The following ZBTB20 variants were observed in gnomAD, a reference collection of about 807,000 sequenced individuals.
ZBTB20 encodes the protein zinc finger and BTB domain-containing protein 20.
ZBTB20 carries 9 observed loss-of-function variants against 56.9 expected under a neutral mutation model. The observed-to-expected ratio is 0.16, with a 90% CI of 0.10 to 0.28. The LOEUF is 0.28. Among genes scored for constraint, ZBTB20 ranks in the 10% least tolerant of loss-of-function variants. ZBTB20 has a pLI of 1.00. For missense variants in ZBTB20, 655 were observed against 1,003.0 expected (o/e 0.65, Z 4.69); for synonymous variants, 417 against 420.7 (o/e 0.99, Z 0.11).
At position 114,572,611 on chromosome 3, in the gene ZBTB20, AG is replaced by A. The variant is rs1365215191; in HGVS notation, c.-294-72221del. On this transcript the variant is annotated intron_variant, in intron 6 of 11. Coordinates refer to ENST00000675478, the MANE Select transcript of ZBTB20 (RefSeq NM_001348800.3). The stretch of plus-strand genomic sequence containing the variant: ...TTCATTCTCCTGGCAGAAGGAAAAG[AG>A]GGTGAGGTCTGTAAAGTTTTAGTTA... Among the ~76,000 whole-genome samples the A allele has an allele frequency of 2.5e-4, 38 of 152,230 alleles. 1 individual carries two copies. The highest frequency in any genetic ancestry group is 1.9e-3 in the Admixed American group (29 of 15,288).
chr3:114,599,458 T>C (rs2056589549), intron 6 of ZBTB20: 1 of 152,118 alleles, frequency 6.6e-6, no homozygotes, highest in Non-Finnish European at 1.5e-5. Context: ...GAGGATCATT[T>C]TCTGAAGAAG....
At chr3:114,420,792 C>T (rs2089087965) in intron 7 of ZBTB20, among the ~76,000 whole-genome samples, 1 of 152,044 alleles carries the variant, frequency 6.6e-6, no homozygotes, top group South Asian at 2.1e-4. Flanking sequence ...TCAGTTCTGG[C>T]CTTTATGAGG....
chr3:115,019,798 T>A (rs2108298075), intron 2 of ZBTB20, among the ~76,000 whole-genome samples: 1 of 151,396 alleles, frequency 6.6e-6, no homozygotes, highest in Non-Finnish European at 1.5e-5. Flanking sequence ...AGAGCCAATG[T>A]GGTTACATAA....
At chr3:115,058,431 T>C (rs1368608546) in intron 2 of ZBTB20, among the ~76,000 whole-genome samples, 2 of 152,142 alleles carry the variant, frequency 1.3e-5, no homozygotes, top group African/African-American at 4.8e-5. Flanking sequence ...TTAGTCAAAT[T>C]TGAAATATTT....
At chr3:114,555,157 C>A (rs72952572) in intron 6 of ZBTB20, among the ~76,000 whole-genome samples, 2,751 of 152,238 alleles carry the variant, frequency 0.018, 83 homozygotes, top group African/African-American at 0.062. Flanking sequence ...TCTGCCACTG[C>A]AAGGCTATTC....
At chr3:114,883,210 C>T (rs1001701577) in intron 4 of ZBTB20, among the ~76,000 whole-genome samples, 1 of 152,182 alleles carries the variant, frequency 6.6e-6, no homozygotes, top group Non-Finnish European at 1.5e-5. Flanking sequence ...CAAATCTCTA[C>T]TTGGTATTTT....
chr3:114,416,808 T>C (rs2088609608), intron 7 of ZBTB20, among the ~76,000 whole-genome samples: 1 of 152,088 alleles, frequency 6.6e-6, no homozygotes, highest in South Asian at 2.1e-4. Flanking sequence ...GGAATGAATG[T>C]GGTTTACTTC....
chr3:114,633,376 T>A (rs2059073855), intron 6 of ZBTB20, among the ~76,000 whole-genome samples: 1 of 152,342 alleles, frequency 6.6e-6, no homozygotes, highest in East Asian at 1.9e-4. Context: ...GCACAGCACA[T>A]TTCTTGCTGC....
chr3:114,673,618 G>C (rs945046422), intron 6 of ZBTB20, among the ~76,000 whole-genome samples: 2 of 152,240 alleles, frequency 1.3e-5, no homozygotes, highest in Admixed American at 1.3e-4. Context: ...TGATTTAAAT[G>C]ACAGAGGATC....
chr3:115,104,153 C>A (rs1261382435), intron 1 of ZBTB20, among the ~76,000 whole-genome samples: 1 of 152,018 alleles, frequency 6.6e-6, no homozygotes, highest in Non-Finnish European at 1.5e-5. Context: ...AATGACATAC[C>A]ACCACACATG....
intron 10 of ZBTB20, among the ~76,000 whole-genome samples, chr3:114,354,583 G>GTTTTTTTTTTTTTTTTT (rs1310151895): frequency 2.2e-5 from 1 of 45,434 alleles, no homozygotes; most frequent in East Asian, 9.0e-4. Context: ...GTTTTGTTTT[G>GTTTTTTTTTTTTTTTTT]TTTGTTTTTT....
chr3:114,986,529 A>C (rs991940389), intron 2 of ZBTB20, among the ~76,000 whole-genome samples: 1 of 152,022 alleles, frequency 6.6e-6, no homozygotes, highest in African/African-American at 2.4e-5. Flanking sequence ...TTTCTCTTAC[A>C]ATGTTTTATG....
At chr3:115,109,045 A>C (rs1369640369) in intron 1 of ZBTB20, among the ~76,000 whole-genome samples, 1 of 152,216 alleles carries the variant, frequency 6.6e-6, no homozygotes, top group Non-Finnish European at 1.5e-5. Context: ...TCAATGGATT[A>C]CAAAATATAA....
intron 2 of ZBTB20, among the ~76,000 whole-genome samples, chr3:115,012,196 G>T (rs528046683): frequency 6.6e-6 from 1 of 151,526 alleles, no homozygotes; most frequent in South Asian, 2.1e-4. Context: ...ACAAAATGGC[G>T]GGAGTAAGTT....
intron 5 of ZBTB20, among the ~76,000 whole-genome samples, chr3:114,713,596 C>T (rs1299364418): frequency 2.0e-5 from 3 of 152,068 alleles, no homozygotes; most frequent in Admixed American, 6.5e-5. Context: ...GGTCTTTGGG[C>T]ACAGAATAGC....
intron 4 of ZBTB20, among the ~76,000 whole-genome samples, chr3:114,833,154 T>C (rs2108965988): frequency 6.6e-6 from 1 of 152,306 alleles, no homozygotes; most frequent in Admixed American, 6.5e-5. Flanking sequence ...ATCTCTTCTA[T>C]ACATAAGAAA....
intron 6 of ZBTB20, among the ~76,000 whole-genome samples, chr3:114,620,666 C>T (rs902490877): frequency 6.6e-6 from 1 of 152,178 alleles, no homozygotes; most frequent in Non-Finnish European, 1.5e-5. Flanking sequence ...CATTCATCAC[C>T]TATTCATTGA....
chr3:114,359,935 T>C (rs2108306422), intron 10 of ZBTB20, among the ~76,000 whole-genome samples: 1 of 152,302 alleles, frequency 6.6e-6, no homozygotes, highest in Admixed American at 6.5e-5. Flanking sequence ...AAAACAGATT[T>C]ATAAATTCAG....
intron 6 of ZBTB20, among the ~76,000 whole-genome samples, chr3:114,506,729 T>C (rs2044657824): frequency 6.6e-6 from 1 of 152,210 alleles, no homozygotes; most frequent in South Asian, 2.1e-4. Context: ...TCATGTGGTC[T>C]AATCATTTAG....
Sources: allele counts gnomAD v4.1 joint callset (sites outside exome capture counted in the v4.1 genomes callset), GRCh38; gene constraint gnomAD v4.1.1; transcripts MANE v1.5; gene names NCBI Gene and HGNC (gene_info 2026-07-23, HGNC 2026-07-21).